The following ZNF780B variants were observed in gnomAD, a reference collection of about 807,000 sequenced individuals.
The protein encoded by ZNF780B is zinc finger protein 779.
A neutral mutation model predicts 74.1 loss-of-function variants in ZNF780B; 52 were observed. The observed-to-expected ratio is 0.70, with a 90% CI of 0.56 to 0.88. The LOEUF (loss-of-function observed/expected upper bound fraction) is 0.88, where lower values mean the gene tolerates loss of function less well. ZNF780B is among the 40% of genes least tolerant of loss of function. ZNF780B has a pLI of 0.00. For synonymous variants in ZNF780B, 315 were observed against 324.3 expected, an observed-to-expected ratio of 0.97 and a Z score of 0.31; for missense variants, 953 against 1,007.6, an observed-to-expected ratio of 0.95 and a Z score of 0.73.
At chr19:40,037,309 C>T (rs187155751) in intron 4 of ZNF780B, among the ~76,000 whole-genome samples, 1 of 151,988 alleles carries the variant, frequency 6.6e-6, no homozygotes, top group East Asian at 1.9e-4. Flanking sequence ...CAGCCTCAAA[C>T]TCCCAGGCTC....
intron 4 of ZNF780B, among the ~76,000 whole-genome samples, chr19:40,038,135 A>G (rs193015873): frequency 3.3e-5 from 5 of 152,012 alleles, no homozygotes; most frequent in African/African-American, 1.2e-4. Flanking sequence ...TCATTGTTCA[A>G]TTCCCACCTA....
In ZNF780B at chr19:40,036,283, G is replaced by T; in HGVS notation, c.576C>A (p.Pro192=). ...CTTTCCCACATTCTTTGCATTTATAGGGTTTCTCTCCAGTATGAATACTCT... is the reference window on the plus strand; with the variant it reads ...CTTTCCCACATTCTTTGCATTTATATGGTTTCTCTCCAGTATGAATACTCT... ...QHQSIHTGEK[P]YKCKECGKAF... Residue 192 remains proline, a synonymous_variant, in exon 5 of 5, where the codon CCC becomes CCA. Coordinates refer to ENST00000434248, the MANE Select transcript of ZNF780B (RefSeq NM_001005851.3). 1.2e-6 allele frequency: 2 copies of T among 1,613,094 alleles called. No homozygotes were observed. The highest frequency in any genetic ancestry group is 2.2e-5 in the South Asian group (2 of 90,796).
intron 4 of ZNF780B, among the ~76,000 whole-genome samples, chr19:40,043,308 G>T (rs998144422): frequency 1.6e-4 from 24 of 152,228 alleles, no homozygotes; most frequent in African/African-American, 5.8e-4. Context: ...ACCCGGCCGT[G>T]TGAGGTGTCA....
chr19:40,032,113 A>G lies in ZNF780B; in HGVS notation c.*2244T>C, dbSNP rs1972029508. The G allele has an allele frequency of 4.4e-6, 2 of 449,872 alleles. No homozygotes were observed. Among genetic ancestry groups the G allele is most frequent in the Admixed American group, 2.5e-5 (1 of 40,040 alleles). The allele number at this position is 449,872 out of a possible 1,614,324, so 27.9% of individuals were successfully genotyped here. ...AATGACACTATAAAGAAAGAAATCT[A>G]AACACATAGCCAACAACATTTCTGG... is the stretch of plus-strand genomic sequence containing the variant. On this transcript the variant is annotated 3_prime_UTR_variant, in exon 5 of 5. Transcript: ENST00000434248.
intron 4 of ZNF780B, among the ~76,000 whole-genome samples, chr19:40,043,052 G>C (rs1239351248): frequency 2.0e-5 from 3 of 152,142 alleles, no homozygotes; most frequent in African/African-American, 4.8e-5. Context: ...TTTGGTCTTT[G>C]ATGATGGTGA....
rs747936842 is a variant in ZNF780B at position 40,035,741 on chromosome 19, A to G, written c.1118T>C (p.Leu373Pro). 6.2e-7 allele frequency: 1 copy of G among 1,613,630 alleles called. No homozygotes were observed. Among genetic ancestry groups the G allele is most frequent in the South Asian group, 1.1e-5 (1 of 91,048 alleles). ...ATTCTTATGGCGATTAAGCTGATTGAGGAGACTAAAGGCCTTCCCGCATTC... is the reference window on the plus strand; with the variant it reads ...ATTCTTATGGCGATTAAGCTGATTGGGGAGACTAAAGGCCTTCCCGCATTC... ...CRECGKAFSL[L>P]NQLNRHKNIH... is the part of the protein sequence containing the mutation. Residue 373 changes from leucine to proline, a missense_variant, in exon 5 of 5, where the codon CTC becomes CCC. Coordinates refer to ENST00000434248, the MANE Select transcript of ZNF780B (RefSeq NM_001005851.3).
intron 3 of ZNF780B, 79 bp from the exon 4 acceptor site, chr19:40,047,549 T>A: frequency 1.1e-6 from 1 of 924,830 alleles, no homozygotes; most frequent in Non-Finnish European, 1.6e-6. Flanking sequence ...GTTAAACTTA[T>A]AATAAATTAC....
chr19:40,051,537 T>C (rs1973235450), intron 1 of ZNF780B, among the ~76,000 whole-genome samples: 1 of 152,220 alleles, frequency 6.6e-6, no homozygotes, highest in African/African-American at 2.4e-5. Flanking sequence ...TAATTTCTTG[T>C]ATGCATTAAT....
At chr19:40,050,105 G>A (rs1314920959) in intron 2 of ZNF780B, among the ~76,000 whole-genome samples, 1 of 148,454 alleles carries the variant, frequency 6.7e-6, no homozygotes, top group Non-Finnish European at 1.5e-5. Flanking sequence ...TCTGAGGCAG[G>A]AGAATTGCTT....
chr19:40,034,164 C>G lies in ZNF780B; in HGVS notation c.*193G>C. 1 of 661,118 alleles carries G rather than the reference C, an allele frequency of 1.5e-6. No homozygotes were observed. The highest frequency in any genetic ancestry group is 2.7e-6 in the Non-Finnish European group (1 of 370,378). 41.0% of individuals were successfully genotyped at this position (661,118 alleles called of 1,614,324 possible). On this transcript the variant is annotated 3_prime_UTR_variant, in exon 5 of 5. Transcript: ENST00000434248. ...GTTTGAACTATGACTAAAGGCTTTC[C>G]CACATTCTTCACATTGATATGGTTT...
intron 4 of ZNF780B, among the ~76,000 whole-genome samples, chr19:40,046,441 CACA>C (rs568537457): frequency 5.9e-5 from 9 of 152,190 alleles, no homozygotes; most frequent in South Asian, 2.1e-4. Context: ...CCACATTCCT[CACA>C]ACGACAGTCA....
intron 4 of ZNF780B, among the ~76,000 whole-genome samples, chr19:40,043,245 C>T (rs928633466): frequency 6.6e-6 from 1 of 151,756 alleles, no homozygotes; most frequent in South Asian, 2.1e-4. Flanking sequence ...ATATTGGTGA[C>T]CCGCAAATGC....
In ZNF780B at chr19:40,036,644, G is replaced by A; in HGVS notation, c.233-18C>T. The stretch of plus-strand genomic sequence containing the variant: ...CTCCAAATCTGAAAGAAATGAAGAA[G>A]GCAAACCTATTTTATTTTCCTATAA... On this transcript the variant is annotated intron_variant, in intron 4 of 4. Coordinates refer to ENST00000434248, the MANE Select transcript of ZNF780B (RefSeq NM_001005851.3). 3 of 1,448,364 alleles carry A rather than the reference G, an allele frequency of 2.1e-6. No individual in the cohort carries two copies. The highest frequency in any genetic ancestry group is 1.4e-5 in the South Asian group (1 of 69,024). 89.7% of individuals were successfully genotyped at this position (1,448,364 alleles called of 1,614,324 possible).
At chr19:40,043,299 C>A (rs1215511101) in intron 4 of ZNF780B, among the ~76,000 whole-genome samples, 2 of 152,128 alleles carry the variant, frequency 1.3e-5, no homozygotes, top group Non-Finnish European at 2.9e-5. Context: ...CAGAGGAGTA[C>A]CCGGCCGTGT....
chr19:40,045,316 G>A (rs1051509868), intron 4 of ZNF780B, among the ~76,000 whole-genome samples: 8 of 152,036 alleles, frequency 5.3e-5, no homozygotes, highest in Non-Finnish European at 1.5e-5. Context: ...GAAACATTGG[G>A]TTTAAACATA....
rs1972132757 is a variant in ZNF780B at position 40,034,442 on chromosome 19, C to T, written c.2417G>A (p.Arg806Lys). The T allele has an allele frequency of 6.2e-7, 1 of 1,614,012 alleles. No homozygotes were observed. The highest frequency in any genetic ancestry group is 8.5e-7 in the Non-Finnish European group (1 of 1,179,988). Residue 806 changes from arginine to lysine, a missense_variant, in exon 5 of 5, where the codon AGA becomes AAA. Arg to Lys is a conservative substitution (Grantham distance 26). Transcript: ENST00000434248. ...CACATTTCTTACATTCAAAGGGTTT[C>T]TCACCTGTACAAGTTTTTGATGCAG... ...LSLHQKLVQV[R>K]NPLNVRNVGQ...
At chr19:40,046,105 G>A (rs1205818620) in intron 4 of ZNF780B, among the ~76,000 whole-genome samples, 1 of 152,176 alleles carries the variant, frequency 6.6e-6, no homozygotes, top group Non-Finnish European at 1.5e-5. Context: ...GTGTGTGGGT[G>A]AGGGGTGGGG....
chr19:40,046,623 A>G (rs190504028), intron 4 of ZNF780B, among the ~76,000 whole-genome samples: 1 of 152,304 alleles, frequency 6.6e-6, no homozygotes, highest in African/African-American at 2.4e-5. Context: ...TAAGCACCCA[A>G]GTGCTGCCAT....
At chr19:40,054,110 G>A (rs1201058477) in intron 1 of ZNF780B, among the ~76,000 whole-genome samples, 2 of 152,142 alleles carry the variant, frequency 1.3e-5, no homozygotes, top group African/African-American at 2.4e-5. Context: ...CCGAGATCAC[G>A]CCACTGCACT....
Sources: gnomAD v4.1 joint callset for allele counts (sites outside exome capture counted in the v4.1 genomes callset) on GRCh38, gnomAD v4.1.1 for gene constraint, MANE v1.5 for transcripts, NCBI Gene and HGNC (gene_info 2026-07-23, HGNC 2026-07-21) for gene names.